The following PRKN variants were observed in gnomAD, a reference collection of about 807,000 sequenced individuals.
PRKN encodes E3 ubiquitin-protein ligase parkin.
In PRKN, 56 loss-of-function variants were observed where a neutral mutation model predicts 59.5. The observed-to-expected ratio is 0.94, with a 90% CI of 0.76 to 1.18. The LOEUF (loss-of-function observed/expected upper bound fraction) is 1.18. Ranked by LOEUF, PRKN falls within the 50% of genes most tolerant of loss-of-function variation. PRKN has a pLI of 0.00. For missense variants in PRKN, 657 were observed against 596.4 expected (o/e 1.10, Z -1.06); for synonymous variants, 250 against 222.1 (o/e 1.13, Z -1.12).
At chr6:161,975,941 T>G (rs1781014429) in intron 5 of PRKN, among the ~76,000 whole-genome samples, 1 of 152,152 alleles carries the variant, frequency 6.6e-6, no homozygotes, top group Non-Finnish European at 1.5e-5. Flanking sequence ...AGTCTCACTC[T>G]ATCGCCTAGG....
chr6:161,533,798 C>G lies in PRKN; in HGVS notation c.1083+15056G>C, dbSNP rs919728657. Among the ~76,000 whole-genome samples the G allele has an allele frequency of 6.6e-6, 1 of 151,694 alleles. No homozygotes were observed. ...AACTTTCCACTCCTTAACCCACCCA[C>G]GTGTCTGTGTACTTAATTTTCTTGG... On this transcript the variant is annotated intron_variant, in intron 9 of 11. Transcript: ENST00000366898. This position sits in a 1 kb window ranked among gnomAD's most constrained non-coding sequence, Gnocchi z 4.1.
chr6:161,878,569 C>T (rs1360452772), intron 6 of PRKN, among the ~76,000 whole-genome samples: 2 of 152,150 alleles, frequency 1.3e-5, no homozygotes, highest in Non-Finnish European at 2.9e-5. Flanking sequence ...TACTAATTTG[C>T]AGGGGCCATT....
At chr6:161,830,306 C>T (rs989098017) in intron 6 of PRKN, among the ~76,000 whole-genome samples, 12 of 150,862 alleles carry the variant, frequency 8.0e-5, no homozygotes, top group Middle Eastern at 3.4e-3. Flanking sequence ...GGCTGGAGTG[C>T]GGTGGCGCGA....
chr6:162,345,206 G>A (rs1400138314), intron 2 of PRKN, among the ~76,000 whole-genome samples: 2 of 152,184 alleles, frequency 1.3e-5, no homozygotes, highest in Non-Finnish European at 2.9e-5. Flanking sequence ...TCACTACTGA[G>A]AAAACATAGA....
chr6:162,441,723 T>C (rs1424334402), intron 2 of PRKN, among the ~76,000 whole-genome samples: 2 of 152,168 alleles, frequency 1.3e-5, no homozygotes, highest in Non-Finnish European at 2.9e-5. Context: ...GCCTAGGACA[T>C]TGGAAGTGCT....
At chr6:162,009,994 C>G (rs1443523733) in intron 5 of PRKN, among the ~76,000 whole-genome samples, 2 of 151,250 alleles carry the variant, frequency 1.3e-5, no homozygotes, top group Non-Finnish European at 2.9e-5. Context: ...TTGTTTATAA[C>G]TTCAACATCT....
intron 1 of PRKN, among the ~76,000 whole-genome samples, chr6:162,635,611 A>G (rs146109860): frequency 1.3e-5 from 2 of 151,476 alleles, no homozygotes; most frequent in African/African-American, 4.8e-5. Context: ...AATATTATTA[A>G]TTTTCATTAC....
At chr6:161,570,545 T>A (rs1780849541) in intron 7 of PRKN, among the ~76,000 whole-genome samples, 1 of 151,818 alleles carries the variant, frequency 6.6e-6, no homozygotes, top group African/African-American at 2.4e-5. Flanking sequence ...AGAATGAAGA[T>A]GAAAACCTTT....
In PRKN at chr6:161,446,951, A is replaced by G. The variant is rs368413152; in HGVS notation, c.1084-60074T>C. Among the ~76,000 whole-genome samples, 1 of 152,242 alleles carries G rather than the reference A, an allele frequency of 6.6e-6. No individual in the cohort carries two copies. The highest frequency in any genetic ancestry group is 2.4e-5 in the African/African-American group (1 of 41,472). On this transcript the variant is annotated intron_variant, in intron 9 of 11. Transcript: ENST00000366898. The surrounding 1 kb of genome is among the most constrained non-coding windows in gnomAD (Gnocchi z 6.2). ...ACTCTGTACCCCAGGACATGGGAGCAGCTCCTATCCTTCCCAGGTGAAAAA... is the reference window on the plus strand; with the variant it reads ...ACTCTGTACCCCAGGACATGGGAGCGGCTCCTATCCTTCCCAGGTGAAAAA...
Position 161,834,765 on chromosome 6 carries a change from C to T in PRKN, c.735-48857G>A, listed in dbSNP as rs73785436. Among the ~76,000 whole-genome samples, 759 of 152,334 alleles carry T rather than the reference C, an allele frequency of 5.0e-3. 3 individuals carry two copies. The highest frequency in any genetic ancestry group is 0.017 in the African/African-American group (716 of 41,582). ...GCAAGAAAAGCTGATGCTACACACG[C>T]CCTGGCTCTCAGGGTGGCTGCGATG... On this transcript the variant is annotated intron_variant, in intron 6 of 11. Coordinates refer to ENST00000366898, the MANE Select transcript of PRKN (RefSeq NM_004562.3).
chr6:162,423,448 A>C (rs1789077818), intron 2 of PRKN, among the ~76,000 whole-genome samples: 1 of 152,064 alleles, frequency 6.6e-6, no homozygotes, highest in African/African-American at 2.4e-5. Flanking sequence ...TTTGTAAGAC[A>C]TCTAGACAAA....
At position 161,378,182 on chromosome 6, in the gene PRKN, G is replaced by A. The variant is rs574791170; in HGVS notation, c.1167+8612C>T. Among the ~76,000 whole-genome samples, 3 of 152,252 alleles carry A rather than the reference G, an allele frequency of 2.0e-5. No homozygotes were observed. Among genetic ancestry groups the A allele is most frequent in the South Asian group, 2.1e-4 (1 of 4,826 alleles). On this transcript the variant is annotated intron_variant, in intron 10 of 11. Coordinates refer to ENST00000366898, the MANE Select transcript of PRKN (RefSeq NM_004562.3). The surrounding 1 kb of genome is among the most constrained non-coding windows in gnomAD (Gnocchi z 7.3). ...CCCATGGGAGGGGCAGGACATGTCC[G>A]CATGTTTGCACAGCATGGCAGAGCT...
chr6:161,966,554 A>T (rs1208809444), intron 6 of PRKN, among the ~76,000 whole-genome samples: 2 of 152,216 alleles, frequency 1.3e-5, no homozygotes, highest in African/African-American at 2.4e-5. Flanking sequence ...TCTATTGGAA[A>T]GACTAAACAA....
intron 4 of PRKN, among the ~76,000 whole-genome samples, chr6:162,159,520 G>C (rs1216974456): frequency 6.6e-6 from 1 of 152,092 alleles, no homozygotes; most frequent in African/African-American, 2.4e-5. Context: ...ATATTGTTCA[G>C]ATCTCCCCAA....
At chr6:162,345,225 G>C (rs757972102) in intron 2 of PRKN, among the ~76,000 whole-genome samples, 1 of 152,218 alleles carries the variant, frequency 6.6e-6, no homozygotes, top group Middle Eastern at 3.4e-3. Context: ...GATAAATCAC[G>C]GCACTTTCTG....
intron 1 of PRKN, among the ~76,000 whole-genome samples, chr6:162,522,064 C>T (rs1778100188): frequency 6.6e-6 from 1 of 152,192 alleles, no homozygotes; most frequent in African/African-American, 2.4e-5. Flanking sequence ...TGATAGTTTT[C>T]TTTGAGTAAG....
intron 1 of PRKN, among the ~76,000 whole-genome samples, chr6:162,550,578 C>T (rs1779297908): frequency 6.6e-6 from 1 of 152,158 alleles, no homozygotes; most frequent in South Asian, 2.1e-4. Flanking sequence ...CGAGGCTGGG[C>T]TCTACAGCTA....
At chr6:161,732,496 T>C (rs1330619651) in intron 7 of PRKN, among the ~76,000 whole-genome samples, 1 of 151,782 alleles carries the variant, frequency 6.6e-6, no homozygotes, top group Non-Finnish European at 1.5e-5. Context: ...TGTGTGTGTG[T>C]GTGTGTGGAG....
At chr6:162,381,196 C>T (rs1240829056) in intron 2 of PRKN, among the ~76,000 whole-genome samples, 1 of 152,174 alleles carries the variant, frequency 6.6e-6, no homozygotes, top group East Asian at 1.9e-4. Context: ...CATTGGAAGA[C>T]AGTTCCTGAT....
Sources: gnomAD v4.1 joint callset for allele counts (sites outside exome capture counted in the v4.1 genomes callset) on GRCh38, gnomAD v4.1.1 for gene constraint, Gnocchi (gnomAD v3.1) non-coding constraint, MANE v1.5 for transcripts, NCBI Gene and HGNC (gene_info 2026-07-23, HGNC 2026-07-21) for gene names.